Variants in CACNA2D3 observed in about 807,000 individuals in gnomAD.
CACNA2D3 encodes the protein voltage-dependent calcium channel subunit alpha-2/delta-3.
In CACNA2D3, 60 loss-of-function variants were observed where a neutral mutation model predicts 160.6. The observed-to-expected ratio is 0.37, with a 90% confidence interval of 0.30 to 0.46. The LOEUF is 0.46. Ranked by LOEUF, CACNA2D3 falls within the 20% of genes least tolerant of loss-of-function variation. CACNA2D3 has a pLI of 1.00. For synonymous variants in CACNA2D3, 558 were observed against 492.9 expected, an observed-to-expected ratio of 1.13 and a Z score of -1.75; for missense variants, 1,205 against 1,365.0, an observed-to-expected ratio of 0.88 and a Z score of 1.85.
chr3:54,279,074 T>G (rs532371233), intron 2 of CACNA2D3, among the ~76,000 whole-genome samples: 1 of 152,306 alleles, frequency 6.6e-6, no homozygotes, highest in East Asian at 1.9e-4. Context: ...CGACGATACC[T>G]AATTCACTGC....
chr3:54,297,191 G>C (rs1406814874), intron 2 of CACNA2D3, among the ~76,000 whole-genome samples: 1 of 152,188 alleles, frequency 6.6e-6, no homozygotes, highest in Non-Finnish European at 1.5e-5. Flanking sequence ...GTAGCCCCAG[G>C]TTGTGCTTTG....
intron 3 of CACNA2D3, among the ~76,000 whole-genome samples, chr3:54,332,338 ACTTGT>A (rs1704285129): frequency 6.6e-6 from 1 of 152,234 alleles, no homozygotes; most frequent in Non-Finnish European, 1.5e-5. Context: ...CATGTGTACA[ACTTGT>A]CTTAATAACT....
intron 18 of CACNA2D3, among the ~76,000 whole-genome samples, chr3:54,873,819 G>A (rs898966846): frequency 6.6e-6 from 1 of 152,124 alleles, no homozygotes; most frequent in South Asian, 2.1e-4. Flanking sequence ...TATTTGACTT[G>A]GGAAAACCCA....
chr3:54,563,150 C>A (rs1313654081), intron 6 of CACNA2D3, among the ~76,000 whole-genome samples: 1 of 152,150 alleles, frequency 6.6e-6, no homozygotes, highest in Non-Finnish European at 1.5e-5. Context: ...TTCTCTGGAC[C>A]TGCCCTGTTC....
At chr3:54,668,458 A>G (rs1700106063) in intron 11 of CACNA2D3, among the ~76,000 whole-genome samples, 2 of 152,226 alleles carry the variant, frequency 1.3e-5, no homozygotes, top group South Asian at 2.1e-4. Flanking sequence ...TGTTCAAGGA[A>G]GCATCCGTGG....
intron 4 of CACNA2D3, among the ~76,000 whole-genome samples, chr3:54,437,736 C>T (rs774821313): frequency 8.5e-5 from 13 of 152,222 alleles, no homozygotes; most frequent in Non-Finnish European, 1.3e-4. Flanking sequence ...TTCCTTTCTT[C>T]ACTCTCTTTA....
intron 4 of CACNA2D3, among the ~76,000 whole-genome samples, chr3:54,495,035 C>A (rs1701181690): frequency 6.6e-6 from 1 of 152,138 alleles, no homozygotes; most frequent in South Asian, 2.1e-4. Context: ...TAGAGCCAAA[C>A]CATATCAGGT....
intron 2 of CACNA2D3, among the ~76,000 whole-genome samples, chr3:54,237,491 G>A (rs143823781): frequency 6.6e-6 from 1 of 152,172 alleles, no homozygotes; most frequent in East Asian, 1.9e-4. Flanking sequence ...TATCTGACTT[G>A]TACAAATGAA....
chr3:55,004,735 G>A (rs1267081611), intron 31 of CACNA2D3, 28 bp from the exon 32 acceptor site: 1 of 1,515,036 alleles, frequency 6.6e-7, no homozygotes, highest in Admixed American at 1.7e-5. Context: ...CTCATTTAGT[G>A]AAGCTCCCTT....
chr3:54,212,262 C>T (rs1439902344), intron 2 of CACNA2D3, among the ~76,000 whole-genome samples: 4 of 152,130 alleles, frequency 2.6e-5, no homozygotes, highest in African/African-American at 9.7e-5. Context: ...AGACATAATA[C>T]ATCAATCAGT....
intron 11 of CACNA2D3, among the ~76,000 whole-genome samples, chr3:54,691,465 T>C (rs1210240390): frequency 6.6e-6 from 1 of 152,036 alleles, no homozygotes; most frequent in Non-Finnish European, 1.5e-5. Context: ...ATCCAGGCAA[T>C]ATTCAGTCAA....
At chr3:54,309,045 G>A (rs1302391388) in intron 2 of CACNA2D3, among the ~76,000 whole-genome samples, 1 of 152,208 alleles carries the variant, frequency 6.6e-6, no homozygotes, top group Non-Finnish European at 1.5e-5. Context: ...AGCACACATG[G>A]ACTTGTAATT....
intron 27 of CACNA2D3, among the ~76,000 whole-genome samples, chr3:54,903,821 T>G (rs1037576366): frequency 6.6e-6 from 1 of 152,224 alleles, no homozygotes; most frequent in Non-Finnish European, 1.5e-5. Flanking sequence ...ATGTTGAGCT[T>G]TTTTTCATAT....
At chr3:54,626,229 G>A (rs977226999) in intron 9 of CACNA2D3, 3 of 963,066 alleles carry the variant, frequency 3.1e-6, no homozygotes, top group Non-Finnish European at 4.9e-6. Flanking sequence ...CAGAAGTAGA[G>A]CAGAAGAAGC....
intron 27 of CACNA2D3, among the ~76,000 whole-genome samples, chr3:54,912,253 T>C (rs1469032469): frequency 6.6e-6 from 1 of 152,172 alleles, no homozygotes; most frequent in African/African-American, 2.4e-5. Context: ...AATCTTGGAA[T>C]GGATATCTTA....
chr3:54,502,650 T>C (rs562202829), intron 4 of CACNA2D3, among the ~76,000 whole-genome samples: 1 of 152,354 alleles, frequency 6.6e-6, no homozygotes, highest in African/African-American at 2.4e-5. Context: ...AGACTCAAGA[T>C]AGATGGCCTG....
At chr3:54,300,498 G>T (rs1348327418) in intron 2 of CACNA2D3, among the ~76,000 whole-genome samples, 1 of 152,232 alleles carries the variant, frequency 6.6e-6, no homozygotes, top group African/African-American at 2.4e-5. Flanking sequence ...TGAACGGAGA[G>T]GGGTAGAGCT....
At chr3:54,534,339 C>T (rs1701853188) in intron 5 of CACNA2D3, among the ~76,000 whole-genome samples, 1 of 121,030 alleles carries the variant, frequency 8.3e-6, no homozygotes, top group South Asian at 2.6e-4. Context: ...TTAAAACATG[C>T]ATCAGATTGC....
chr3:55,043,057 A>G (rs1361801925), intron 35 of CACNA2D3, among the ~76,000 whole-genome samples: 1 of 152,228 alleles, frequency 6.6e-6, no homozygotes, highest in Non-Finnish European at 1.5e-5. Flanking sequence ...GAATAAAACC[A>G]CCATAAACAT....
Sources: allele counts gnomAD v4.1 joint callset (sites outside exome capture counted in the v4.1 genomes callset), GRCh38; gene constraint gnomAD v4.1.1; transcripts MANE v1.5; gene names NCBI Gene and HGNC (gene_info 2026-07-23, HGNC 2026-07-21).